The following ASF1B variants were observed in gnomAD, a reference collection of about 807,000 sequenced individuals.
ASF1B encodes anti-silencing function 1B histone chaperone, also known as histone chaperone ASF1B.
Under a neutral mutation model 16.6 loss-of-function variants are expected in ASF1B, and 10 were observed. The ratio of observed to expected loss-of-function variants is 0.60; its 90% CI spans 0.37 to 1.02. ASF1B has a LOEUF of 1.02. ASF1B is among the 50% of genes least tolerant of loss of function. ASF1B has a pLI of 0.01. For synonymous variants in ASF1B, 101 were observed against 106.2 expected, an observed-to-expected ratio of 0.95 and a Z score of 0.30; for missense variants, 240 against 266.0, an observed-to-expected ratio of 0.90 and a Z score of 0.68.
At chr19:14,127,495 C>T (rs1228402907) in intron 1 of ASF1B, among the ~76,000 whole-genome samples, 1 of 152,190 alleles carries the variant, frequency 6.6e-6, no homozygotes, top group Non-Finnish European at 1.5e-5. Context: ...TCCAATCCGG[C>T]AGGAGAGCCA....
At chr19:14,121,275 A>ATTT (rs71170594) in intron 3 of ASF1B, 140 of 298,808 alleles carry the variant, frequency 4.7e-4, no homozygotes, top group South Asian at 9.6e-4. Flanking sequence ...TGTCTGGCTC[A>ATTT]TTTTTTTTTT....
chr19:14,121,282 T>A (rs1967232187), intron 3 of ASF1B: 3 of 442,364 alleles, frequency 6.8e-6, no homozygotes, highest in Non-Finnish European at 1.2e-5. Context: ...CTCATTTTTT[T>A]TTTTTTTTTT....
rs150107917 is a variant in ASF1B, at chr19:14,133,121, AAAATAAATAAAT to A, written c.109+3215_109+3226del. ...GGTGACACAGCGAGACTCCATCTCA[AAAATAAATAAAT>A]AAATAAATAAATAAATAAATAATAA... On this transcript the variant is annotated intron_variant, in intron 1 of 3. Coordinates refer to ENST00000263382, the MANE Select transcript of ASF1B (RefSeq NM_018154.3). Among the ~76,000 whole-genome samples, 89 of 149,292 alleles carry A rather than the reference AAAATAAATAAAT, an allele frequency of 6.0e-4. 2 individuals carry two copies. The East Asian group carries it at 9.6e-3, about 16-fold the overall frequency.
At chr19:14,129,222 C>G (rs1385793756) in intron 1 of ASF1B, among the ~76,000 whole-genome samples, 1 of 152,006 alleles carries the variant, frequency 6.6e-6, no homozygotes, top group Non-Finnish European at 1.5e-5. Context: ...CCACTGCATT[C>G]CAGCCTGGAC....
intron 2 of ASF1B, among the ~76,000 whole-genome samples, chr19:14,122,825 C>G (rs907565283): frequency 4.6e-5 from 7 of 152,116 alleles, no homozygotes; most frequent in African/African-American, 1.7e-4. Context: ...ACCCGGGGGC[C>G]AGCTAAGGGA....
intron 1 of ASF1B, 141 bp from the exon 2 acceptor site, chr19:14,126,378 CA>C: frequency 1.6e-6 from 1 of 607,894 alleles, no homozygotes; most frequent in Admixed American, 3.0e-5. Context: ...GATCTCAGCT[CA>C]CTGCAACTTC....
At chr19:14,134,894 G>C (rs1054612730) in intron 1 of ASF1B, among the ~76,000 whole-genome samples, 1 of 151,706 alleles carries the variant, frequency 6.6e-6, no homozygotes, top group African/African-American at 2.4e-5. Context: ...AAAAGCAACG[G>C]GAGCTTGGCA....
chr19:14,127,399 A>G (rs929476671), intron 1 of ASF1B, among the ~76,000 whole-genome samples: 2 of 152,138 alleles, frequency 1.3e-5, no homozygotes, highest in Non-Finnish European at 2.9e-5. Context: ...GGGTGCTGGG[A>G]TAGGAAGCAG....
chr19:14,124,880 C>T (rs532163781), intron 2 of ASF1B, among the ~76,000 whole-genome samples: 1 of 152,256 alleles, frequency 6.6e-6, no homozygotes, highest in South Asian at 2.1e-4. Flanking sequence ...GGAAAATATG[C>T]GTATTAGAGA....
chr19:14,120,448 G>T lies in ASF1B; in HGVS notation c.*11C>A, dbSNP rs1568542556. 1.9e-6 allele frequency: 3 copies of T among 1,612,138 alleles called. No individual in the cohort carries two copies. Among genetic ancestry groups the T allele is most frequent in the Non-Finnish European group, 2.5e-6 (3 of 1,179,196 alleles). ...CCTCCCGGCGTGCTGGGACACTCTG[G>T]GTTCCTGCAGTTAGATGCAGTCCAT... On this transcript the variant is annotated 3_prime_UTR_variant, in exon 4 of 4. Transcript: ENST00000263382.
At chr19:14,130,495 CCTAT>C (rs1967385036) in intron 1 of ASF1B, among the ~76,000 whole-genome samples, 1 of 149,528 alleles carries the variant, frequency 6.7e-6, no homozygotes, top group African/African-American at 2.5e-5. Context: ...ATAGTGACAC[CCTAT>C]CTCTTTAAAA....
Position 14,120,462 on chromosome 19 carries a change from G to T in ASF1B, c.606C>A (p.Ile202=), listed in dbSNP as rs769237306. ...GGGACACTCTGGGTTCCTGCAGTTAGATGCAGTCCATGGAGTTCTCAGGGA... is the reference window on the plus strand; with the variant it reads ...GGGACACTCTGGGTTCCTGCAGTTATATGCAGTCCATGGAGTTCTCAGGGA... ...GLLPENSMDC[I] The change falls in exon 4 of 4, where the codon ATC becomes ATA. Residue 202 remains isoleucine, a synonymous_variant. Transcript: ENST00000263382. 6.8e-6 allele frequency: 11 copies of T among 1,612,242 alleles called. No homozygotes were observed. The highest frequency in any genetic ancestry group is 1.6e-4 in the Middle Eastern group (1 of 6,070).
chr19:14,125,158 G>A (rs1450982819), intron 2 of ASF1B, among the ~76,000 whole-genome samples: 1 of 152,072 alleles, frequency 6.6e-6, no homozygotes, highest in African/African-American at 2.4e-5. Context: ...GTAGAGACGG[G>A]GTTTCATCAC....
Position 14,120,527 on chromosome 19 carries a change from T to A in ASF1B, c.541A>T (p.Ile181Phe). 1.2e-6 allele frequency: 2 copies of A among 1,613,496 alleles called. No homozygotes were observed. Among genetic ancestry groups the A allele is most frequent in the South Asian group, 2.2e-5 (2 of 91,038 alleles). ...GCGLPLNCTP[I>F]KGLGLPGCIP... is the part of the protein sequence containing the mutation. ...CAGCCAGGGAGCCCCAAGCCCTTGA[T>A]AGGAGTGCAGTTGAGTGGGAGGCCG... The change falls in exon 4 of 4, where the codon ATC (isoleucine) becomes TTC (phenylalanine). Residue 181 changes from isoleucine (I) to phenylalanine (F), a missense_variant. Physicochemically the swap from Ile to Phe is conservative, Grantham distance 21 (BLOSUM62 0). Coordinates refer to ENST00000263382, the MANE Select transcript of ASF1B (RefSeq NM_018154.3).
In ASF1B at chr19:14,121,274, CA is replaced by C. The variant is rs1257051294; in HGVS notation, c.402+257del. 1.7e-5 allele frequency: 8 copies of C among 458,258 alleles called. No individual in the cohort carries two copies. In the East Asian group the frequency reaches 2.7e-4, roughly 16 times the overall value. 28.4% of individuals were successfully genotyped at this position (458,258 alleles called of 1,614,324 possible). On this transcript the variant is annotated intron_variant, in intron 3 of 3. Transcript: ENST00000263382. ...TAGAGCACACCACCCATGTCTGGCT[CA>C]TTTTTTTTTTTTTTTTTTTTTGCGG...
rs879317759 is a variant in ASF1B at position 14,130,791 on chromosome 19, A to G, written c.110-4554T>C. On this transcript the variant is annotated intron_variant, in intron 1 of 3. Coordinates refer to ENST00000263382, the MANE Select transcript of ASF1B (RefSeq NM_018154.3). ...ACCTCCACTGTGTGTTTGTGTGTAT[A>G]TATATATATATATATATATAAATGA... Among the ~76,000 whole-genome samples the G allele has an allele frequency of 9.7e-4, 144 of 148,688 alleles. 2 individuals are homozygous for G. Among genetic ancestry groups the G allele is most frequent in the African/African-American group, 3.3e-3 (134 of 40,316 alleles).
intron 1 of ASF1B, among the ~76,000 whole-genome samples, chr19:14,130,432 GC>G (rs1166023461): frequency 6.6e-6 from 1 of 151,634 alleles, no homozygotes; most frequent in East Asian, 1.9e-4. Context: ...TACTTAGGAA[GC>G]TGAGGTGGGA....
chr19:14,121,472 A>T, intron 3 of ASF1B, 60 bp downstream of exon 3: 1 of 1,550,810 alleles, frequency 6.4e-7, no homozygotes, highest in Non-Finnish European at 8.8e-7. Flanking sequence ...TGAATGGCTG[A>T]ACTCCCCCCA....
At chr19:14,136,247 G>C in intron 1 of ASF1B, 101 bp downstream of exon 1, 1 of 924,902 alleles carries the variant, frequency 1.1e-6, no homozygotes, top group South Asian at 1.6e-5. Flanking sequence ...AGGGGGACGA[G>C]GGGTTTCATG....
Sources: gnomAD v4.1 joint callset for allele counts (sites outside exome capture counted in the v4.1 genomes callset) on GRCh38, gnomAD v4.1.1 for gene constraint, MANE v1.5 for transcripts, NCBI Gene and HGNC (gene_info 2026-07-23, HGNC 2026-07-21) for gene names.